TPM4: variants seen among roughly 807,000 people sequenced by gnomAD.
TPM4 encodes the protein tropomyosin 4.
Under a neutral mutation model 35.8 loss-of-function variants are expected in TPM4, and 17 were observed. The ratio of observed to expected loss-of-function variants is 0.47; its 90% CI spans 0.32 to 0.71. TPM4 has a LOEUF of 0.71. Among genes scored for constraint, TPM4 ranks in the 30% least tolerant of loss-of-function variants. The pLI, the probability that TPM4 is intolerant of heterozygous loss-of-function variation, is 0.03. For missense variants in TPM4, 240 were observed against 320.9 expected (o/e 0.75, Z 1.93); for synonymous variants, 120 against 122.9 (o/e 0.98, Z 0.15).
chr19:16,096,936 C>CTTTTTTTTTTT lies in TPM4; in HGVS notation c.664+3207_664+3217dup, dbSNP rs71178641. 4.2e-4 allele frequency among the ~76,000 whole-genome samples: 29 copies of CTTTTTTTTTTT among 69,052 alleles called. 6 individuals carry two copies. The highest frequency in any genetic ancestry group is 1.9e-3 in the South Asian group (3 of 1,598). The allele number at this position is 69,052 out of a possible 152,430, so 45.3% of individuals were successfully genotyped here. ...GGAATATGGAGAAAACAAGGTCACT[C>CTTTTTTTTTTT]TTTTTTTTTTTTTTTTTTTTTTTTT... On this transcript the variant is annotated intron_variant, in intron 7 of 7. Coordinates refer to ENST00000643579, the MANE Select transcript of TPM4 (RefSeq NM_003290.3).
chr19:16,077,084 T>C, intron 1 of TPM4: 1 of 174,224 alleles, frequency 5.7e-6, no homozygotes, highest in Non-Finnish European at 1.2e-5. Context: ...GCGACCGGAC[T>C]TGTGGGGGAG....
chr19:16,102,030 G>A lies in TPM4; in HGVS notation c.*684G>A, dbSNP rs2090768153. On this transcript the variant is annotated 3_prime_UTR_variant, in exon 8 of 8. Coordinates refer to ENST00000643579, the MANE Select transcript of TPM4 (RefSeq NM_003290.3). ...GTAATTAATTGATCCTTGATGTGAT[G>A]TTCTTTTGCATATTTCCTTCATTCT... The A allele has an allele frequency of 4.7e-6, 1 of 211,992 alleles. No individual in the cohort carries two copies. The highest frequency in any genetic ancestry group is 5.9e-5 in the Admixed American group (1 of 16,982). 13.1% of individuals were successfully genotyped at this position (211,992 alleles called of 1,614,324 possible). A position where few individuals can be genotyped will look rare whatever the true frequency, so the allele number is the denominator to read the frequency against.
At chr19:16,095,159 T>A in intron 7 of TPM4, 1 of 661,314 alleles carries the variant, frequency 1.5e-6, no homozygotes, top group Non-Finnish European at 1.9e-6. Flanking sequence ...TTTGCTCACG[T>A]GTTTTTTTCT....
At chr19:16,089,188 A>C (rs2090595800) in intron 5 of TPM4, 68 bp downstream of exon 5, 1 of 1,585,806 alleles carries the variant, frequency 6.3e-7, no homozygotes, top group Non-Finnish European at 8.6e-7. Context: ...CGAGGGATGC[A>C]GGAGCCTGTC....
intron 7 of TPM4, chr19:16,100,255 C>T (rs1212061076): frequency 6.6e-6 from 1 of 152,132 alleles, no homozygotes; most frequent in Non-Finnish European, 1.5e-5. Flanking sequence ...TATTCTGACT[C>T]AAGGGTTACC....
intron 7 of TPM4, among the ~76,000 whole-genome samples, chr19:16,094,110 G>A (rs1161656604): frequency 1.3e-5 from 2 of 152,004 alleles, no homozygotes; most frequent in Middle Eastern, 3.4e-3. Context: ...GACTACAGGC[G>A]TGTGCCGCCA....
upstream of TPM4, among the ~76,000 whole-genome samples, chr19:16,072,900 C>G (rs982296677): frequency 6.6e-6 from 1 of 152,172 alleles, no homozygotes; most frequent in Admixed American, 6.5e-5. Context: ...GAGCAAGACT[C>G]TGTCTCAAAA....
intron 7 of TPM4, 55 bp from the exon 8 acceptor site, chr19:16,101,209 A>G: frequency 7.3e-7 from 1 of 1,373,724 alleles, no homozygotes; most frequent in Non-Finnish European, 9.9e-7. Flanking sequence ...TTTTTCTTTC[A>G]TTTAACAAAG....
upstream of TPM4, chr19:16,076,315 A>G: frequency 3.3e-6 from 5 of 1,505,614 alleles, no homozygotes; most frequent in South Asian, 3.9e-5. Flanking sequence ...TAAGTCCCGA[A>G]AAGGGGCACT....
At chr19:16,087,104 C>T (rs887202595) in intron 3 of TPM4, among the ~76,000 whole-genome samples, 3 of 152,004 alleles carry the variant, frequency 2.0e-5, no homozygotes, top group Admixed American at 6.6e-5. Context: ...ATAGTGAGAC[C>T]CCATTTCTAA....
chr19:16,095,337 C>A, intron 7 of TPM4: 1 of 1,038,564 alleles, frequency 9.6e-7, no homozygotes, highest in Non-Finnish European at 1.2e-6. Context: ...ACGACATGAC[C>A]TCTCTCTGAG....
chr19:16,072,630 G>T (rs1278364160), upstream of TPM4, among the ~76,000 whole-genome samples: 1 of 152,270 alleles, frequency 6.6e-6, no homozygotes, highest in African/African-American at 2.4e-5. Flanking sequence ...TTTGTAACAC[G>T]CCCTGGCCAG....
chr19:16,096,091 A>G (rs1193350514), intron 7 of TPM4, among the ~76,000 whole-genome samples: 1 of 151,976 alleles, frequency 6.6e-6, no homozygotes, highest in South Asian at 2.1e-4. Flanking sequence ...ACACCTGGCT[A>G]ATTTTTCTTT....
At chr19:16,073,505 G>A (rs1382635538), upstream of TPM4, among the ~76,000 whole-genome samples, 1 of 152,212 alleles carries the variant, frequency 6.6e-6, no homozygotes, top group Admixed American at 6.5e-5. Context: ...GGCCAGAAAA[G>A]GGGACGGGGG....
At chr19:16,092,975 G>A (rs150913373) in intron 5 of TPM4, 49 of 159,050 alleles carry the variant, frequency 3.1e-4, no homozygotes, top group Non-Finnish European at 3.0e-4. Context: ...CCTCCTCAGC[G>A]TCCCCATTAG....
At chr19:16,099,454 C>T (rs1011497697) in intron 7 of TPM4, among the ~76,000 whole-genome samples, 10 of 151,912 alleles carry the variant, frequency 6.6e-5, no homozygotes, top group African/African-American at 4.8e-5. Flanking sequence ...TGTAGTGGCA[C>T]GCACTTGTAG....
In TPM4 at chr19:16,096,739, G is replaced by A. The variant is rs901012978; in HGVS notation, c.664+2986G>A. Among the ~76,000 whole-genome samples, 15 of 152,070 alleles carry A rather than the reference G, an allele frequency of 9.9e-5. No individual in the cohort carries two copies. In the East Asian group the frequency reaches 2.5e-3, roughly 25 times the overall value. On this transcript the variant is annotated intron_variant, in intron 7 of 7. Coordinates refer to ENST00000643579, the MANE Select transcript of TPM4 (RefSeq NM_003290.3). ...CCATGAACAGGGAAAGTGCTGTGACGTCAGAAGACGTGAATTTAGAATTCT... is the reference window on the plus strand; with the variant it reads ...CCATGAACAGGGAAAGTGCTGTGACATCAGAAGACGTGAATTTAGAATTCT...
chr19:16,086,580 G>A (rs2090555930), intron 3 of TPM4, 40 bp downstream of exon 3: 1 of 1,552,958 alleles, frequency 6.4e-7, no homozygotes, highest in Non-Finnish European at 8.8e-7. Context: ...CAGGAAGTGG[G>A]AGGAAATGCA....
intron 2 of TPM4, among the ~76,000 whole-genome samples, chr19:16,085,026 G>A (rs982581056): frequency 9.9e-5 from 15 of 152,046 alleles, no homozygotes; most frequent in African/African-American, 2.7e-4. Flanking sequence ...GGAGGCGGGC[G>A]GATCGCTTGA....
Sources: allele counts gnomAD v4.1 joint callset (sites outside exome capture counted in the v4.1 genomes callset), GRCh38; gene constraint gnomAD v4.1.1; transcripts MANE v1.5; gene names NCBI Gene and HGNC (gene_info 2026-07-23, HGNC 2026-07-21).